The following YPEL2 variants were observed in gnomAD, a reference collection of about 807,000 sequenced individuals.
The protein encoded by YPEL2 is protein yippee-like 2.
YPEL2 carries 2 observed loss-of-function variants against 19.1 expected under a neutral mutation model. The observed-to-expected ratio is 0.10, with a 90% CI of 0.04 to 0.33. The LOEUF is 0.33. Ranked by LOEUF, YPEL2 falls within the 10% of genes least tolerant of loss-of-function variation. The pLI, the probability that YPEL2 is intolerant of heterozygous loss-of-function variation, is 1.00. For synonymous variants in YPEL2, 52 were observed against 50.0 expected, an observed-to-expected ratio of 1.04 and a Z score of -0.17; for missense variants, 66 against 140.7, an observed-to-expected ratio of 0.47 and a Z score of 2.68.
Position 59,399,411 on chromosome 17 carries a change from A to G in YPEL2, c.*2221A>G, listed in dbSNP as rs1041005717. The G allele has an allele frequency of 5.3e-5, 8 of 152,222 alleles. No individual in the cohort carries two copies. Among genetic ancestry groups the G allele is most frequent in the African/African-American group, 1.9e-4 (8 of 41,444 alleles). The allele number at this position is 152,222 out of a possible 1,614,324, so 9.4% of individuals were successfully genotyped here. ...CAAATGGAATGTGGTGACATAAACTAGACATGGGGTGCCCTCAAGTTTCCA... is the reference window on the plus strand; with the variant it reads ...CAAATGGAATGTGGTGACATAAACTGGACATGGGGTGCCCTCAAGTTTCCA... On this transcript the variant is annotated 3_prime_UTR_variant, in exon 5 of 5. Coordinates refer to ENST00000312655, the MANE Select transcript of YPEL2 (RefSeq NM_001005404.4).
intron 2 of YPEL2, among the ~76,000 whole-genome samples, chr17:59,359,691 A>T (rs533170977): frequency 6.8e-4 from 103 of 152,296 alleles, no homozygotes; most frequent in Non-Finnish European, 1.2e-3. Context: ...ACTCGAATAA[A>T]ATTCGAGTAT....
chr17:59,338,693 G>A (rs181284505), intron 1 of YPEL2, among the ~76,000 whole-genome samples: 1 of 152,288 alleles, frequency 6.6e-6, no homozygotes, highest in African/African-American at 2.4e-5. Flanking sequence ...AGAGCACTCC[G>A]TGGGAGTGGA....
chr17:59,391,348 G>C (rs1275283516), intron 4 of YPEL2, among the ~76,000 whole-genome samples: 1 of 152,090 alleles, frequency 6.6e-6, no homozygotes, highest in Non-Finnish European at 1.5e-5. Flanking sequence ...GCGGGTATGT[G>C]GAAAATCTCT....
intron 2 of YPEL2, among the ~76,000 whole-genome samples, chr17:59,369,818 G>A (rs2047887927): frequency 6.6e-6 from 1 of 152,222 alleles, no homozygotes; most frequent in African/African-American, 2.4e-5. Context: ...TTTGAAAAAG[G>A]AAACAGCTCT....
chr17:59,388,114 C>A (rs1011526444), intron 2 of YPEL2, among the ~76,000 whole-genome samples: 1 of 152,178 alleles, frequency 6.6e-6, no homozygotes, highest in African/African-American at 2.4e-5. Context: ...CTAGTGAAAA[C>A]AGTCCGGTGG....
At chr17:59,393,656 T>C (rs2048020223) in intron 4 of YPEL2, among the ~76,000 whole-genome samples, 1 of 147,240 alleles carries the variant, frequency 6.8e-6, no homozygotes, top group Admixed American at 6.8e-5. Flanking sequence ...CAGAGGACCC[T>C]GCGGCCTTCC....
intron 1 of YPEL2, among the ~76,000 whole-genome samples, chr17:59,349,508 G>A (rs2047776650): frequency 6.6e-6 from 1 of 151,688 alleles, no homozygotes; most frequent in South Asian, 2.1e-4. Context: ...TACCATGCCT[G>A]GCTAATTTTT....
chr17:59,383,834 T>C (rs369829149), intron 2 of YPEL2, among the ~76,000 whole-genome samples: 1 of 151,674 alleles, frequency 6.6e-6, no homozygotes, highest in African/African-American at 2.4e-5. Context: ...TTCATCCGTG[T>C]TGTTCTGTAT....
chr17:59,384,056 T>C (rs1045717002), intron 2 of YPEL2, among the ~76,000 whole-genome samples: 1 of 152,220 alleles, frequency 6.6e-6, no homozygotes, highest in Non-Finnish European at 1.5e-5. Flanking sequence ...CCAAAGTTGC[T>C]GTACCATTTT....
In YPEL2 at chr17:59,397,384, A is replaced by G; in HGVS notation, c.*194A>G. 2.3e-6 allele frequency: 1 copy of G among 432,516 alleles called. No individual in the cohort carries two copies. The highest frequency in any genetic ancestry group is 4.2e-6 in the Non-Finnish European group (1 of 240,458). 26.8% of individuals were successfully genotyped at this position (432,516 alleles called of 1,614,324 possible). A position where few individuals can be genotyped will look rare whatever the true frequency, so the allele number is the denominator to read the frequency against. On this transcript the variant is annotated 3_prime_UTR_variant, in exon 5 of 5. Transcript: ENST00000312655. ...CTGTCTCTCTGTCTCTTTGCTTTGT[A>G]TCTGTTTGTGAGTTGATCCTGGCTT...
chr17:59,378,713 C>T (rs1200050192), intron 2 of YPEL2, among the ~76,000 whole-genome samples: 5 of 152,160 alleles, frequency 3.3e-5, no homozygotes, highest in African/African-American at 7.2e-5. Flanking sequence ...TTCCAAGCAT[C>T]GTGAATGTTC....
intron 2 of YPEL2, among the ~76,000 whole-genome samples, chr17:59,383,527 G>A (rs1389032951): frequency 1.5e-5 from 2 of 131,816 alleles, no homozygotes; most frequent in African/African-American, 2.9e-5. Flanking sequence ...GAGCCTGGGA[G>A]GTGGAGCTTG....
chr17:59,332,065 G>A (rs2047673481), intron 1 of YPEL2, among the ~76,000 whole-genome samples: 1 of 151,990 alleles, frequency 6.6e-6, no homozygotes, highest in Admixed American at 6.5e-5. Flanking sequence ...CGCTCGCGGA[G>A]GGAGCCCAAG....
intron 4 of YPEL2, among the ~76,000 whole-genome samples, chr17:59,396,601 C>A (rs1337145965): frequency 2.6e-5 from 4 of 152,134 alleles, no homozygotes; most frequent in Non-Finnish European, 4.4e-5. Context: ...GGTGTTGCCT[C>A]AGTTCTGCAG....
chr17:59,393,440 T>C (rs2048018404), intron 4 of YPEL2, among the ~76,000 whole-genome samples: 1 of 151,396 alleles, frequency 6.6e-6, no homozygotes, highest in Non-Finnish European at 1.5e-5. Context: ...TGGCCGAATT[T>C]TTTTTTTCAT....
At chr17:59,378,896 C>T (rs1287417558) in intron 2 of YPEL2, among the ~76,000 whole-genome samples, 1 of 152,174 alleles carries the variant, frequency 6.6e-6, no homozygotes, top group Non-Finnish European at 1.5e-5. Context: ...TGCCCCTCGG[C>T]TTTTTACCCC....
intron 1 of YPEL2, among the ~76,000 whole-genome samples, chr17:59,339,033 C>CT (rs1373590603): frequency 6.6e-6 from 1 of 152,154 alleles, no homozygotes; most frequent in Non-Finnish European, 1.5e-5. Context: ...TTTTGGCCCC[C>CT]TTGCCCTTGC....
intron 1 of YPEL2, among the ~76,000 whole-genome samples, chr17:59,352,537 C>T (rs2047792683): frequency 6.6e-6 from 1 of 152,086 alleles, no homozygotes; most frequent in African/African-American, 2.4e-5. Flanking sequence ...CTGATTATGC[C>T]ATTGATTTCA....
chr17:59,388,238 A>G (rs2047990746), intron 2 of YPEL2, 89 bp from the exon 3 acceptor site: 2 of 1,266,516 alleles, frequency 1.6e-6, no homozygotes, highest in Admixed American at 1.7e-5. Flanking sequence ...CAGTCCTGGA[A>G]GGTCATGCTT....
Sources: gnomAD v4.1 joint callset for allele counts (sites outside exome capture counted in the v4.1 genomes callset) on GRCh38, gnomAD v4.1.1 for gene constraint, MANE v1.5 for transcripts, NCBI Gene and HGNC (gene_info 2026-07-23, HGNC 2026-07-21) for gene names.